The following TTC39C variants were observed in gnomAD, a reference collection of about 807,000 sequenced individuals.
TTC39C encodes the protein tetratricopeptide repeat protein 39C.
Under a neutral mutation model 76.3 loss-of-function variants are expected in TTC39C, and 33 were observed. That is an observed-to-expected ratio of 0.43 (90% CI 0.33 to 0.58). The LOEUF is 0.58. Among genes scored for constraint, TTC39C ranks in the 20% least tolerant of loss-of-function variants. TTC39C has a pLI of 0.04. For synonymous variants in TTC39C, 254 were observed against 260.6 expected, an observed-to-expected ratio of 0.97 and a Z score of 0.24; for missense variants, 595 against 701.4, an observed-to-expected ratio of 0.85 and a Z score of 1.71.
chr18:24,092,116 A>AT (rs2084528750), intron 6 of TTC39C, among the ~76,000 whole-genome samples: 3 of 138,370 alleles, frequency 2.2e-5, no homozygotes, highest in Non-Finnish European at 3.1e-5. Flanking sequence ...AAAAAAAAAA[A>AT]AAAAAAAAAT....
At chr18:24,128,153 A>G (rs1187025441) in intron 10 of TTC39C, among the ~76,000 whole-genome samples, 1 of 152,188 alleles carries the variant, frequency 6.6e-6, no homozygotes, top group African/African-American at 2.4e-5. Context: ...GGCAAATAGT[A>G]GGCTCTCAAT....
chr18:24,102,499 AAAAG>A (rs1425559480), intron 6 of TTC39C, among the ~76,000 whole-genome samples: 1 of 152,220 alleles, frequency 6.6e-6, no homozygotes, highest in East Asian at 1.9e-4. Context: ...AAAAGCAAGA[AAAAG>A]AAAGCGCCAA....
At chr18:24,109,960 G>A (rs922561250) in intron 6 of TTC39C, among the ~76,000 whole-genome samples, 5 of 152,020 alleles carry the variant, frequency 3.3e-5, no homozygotes, top group Non-Finnish European at 5.9e-5. Flanking sequence ...GAGCCGAGCC[G>A]AGATCACGCC....
intron 3 of TTC39C, among the ~76,000 whole-genome samples, chr18:24,067,253 C>T (rs1035420574): frequency 6.6e-6 from 1 of 152,174 alleles, no homozygotes. Context: ...TAATCAATGA[C>T]CAAGTGCTGT....
Position 24,125,410 on chromosome 18 carries a change from A to T in TTC39C, c.1297-17A>T. 6.2e-7 allele frequency: 1 copy of T among 1,614,020 alleles called. No individual in the cohort carries two copies. The highest frequency in any genetic ancestry group is 8.5e-7 in the Non-Finnish European group (1 of 1,179,984). On this transcript the variant is annotated splice_polypyrimidine_tract_variant and intron_variant, in intron 9 of 13. Transcript: ENST00000317571. ...TGTTTTTGAAAAATGTAGCCTGTTT[A>T]TTCTGACTCCTTGCAGGCAGAGCGA...
chr18:24,094,775 G>C (rs1053945284), intron 6 of TTC39C, among the ~76,000 whole-genome samples: 1 of 152,214 alleles, frequency 6.6e-6, no homozygotes, highest in East Asian at 1.9e-4. Context: ...CAGATGTGCT[G>C]TCATTCAGGC....
chr18:24,132,592 C>G lies in TTC39C; in HGVS notation c.*18C>G, dbSNP rs1323796358. On this transcript the variant is annotated 3_prime_UTR_variant, in exon 14 of 14. Transcript: ENST00000317571. Reference sequence around the variant, plus strand: ...CTCAGTGACAGACCCGGAACACCCGCTCCGTCCCTCCCCACCCAGGGTCCG... The same window carrying G: ...CTCAGTGACAGACCCGGAACACCCGGTCCGTCCCTCCCCACCCAGGGTCCG... 1 of 1,602,288 alleles carries G rather than the reference C, an allele frequency of 6.2e-7. No homozygotes were observed.
intron 6 of TTC39C, among the ~76,000 whole-genome samples, chr18:24,094,571 T>C (rs1032591061): frequency 7.9e-5 from 12 of 152,218 alleles, no homozygotes; most frequent in Admixed American, 5.9e-4. Flanking sequence ...TACTCCTTGT[T>C]CCATGAGCTG....
intron 6 of TTC39C, among the ~76,000 whole-genome samples, chr18:24,092,992 C>A (rs1019139926): frequency 2.6e-5 from 4 of 152,094 alleles, no homozygotes; most frequent in Admixed American, 1.3e-4. Context: ...CATCTGAGCC[C>A]AGGATGTTGA....
intron 1 of TTC39C, among the ~76,000 whole-genome samples, chr18:24,005,749 G>A (rs888551704): frequency 1.3e-5 from 2 of 151,412 alleles, no homozygotes; most frequent in African/African-American, 4.9e-5. Flanking sequence ...GGAGGCTAAG[G>A]TTGGAGGACG....
At chr18:24,051,247 T>C (rs1264945400) in intron 1 of TTC39C, among the ~76,000 whole-genome samples, 1 of 152,218 alleles carries the variant, frequency 6.6e-6, no homozygotes, top group Non-Finnish European at 1.5e-5. Flanking sequence ...GGCTAACAGC[T>C]TCACTGATCT....
At chr18:24,075,175 G>T (rs1172761514) in intron 4 of TTC39C, among the ~76,000 whole-genome samples, 1 of 152,008 alleles carries the variant, frequency 6.6e-6, no homozygotes, top group Non-Finnish European at 1.5e-5. Flanking sequence ...GGGGAGGGTT[G>T]GCATTAAGAG....
chr18:24,085,916 C>T (rs946033987), intron 6 of TTC39C, among the ~76,000 whole-genome samples: 7 of 152,168 alleles, frequency 4.6e-5, no homozygotes, highest in African/African-American at 1.7e-4. Flanking sequence ...CCAAGGTGCC[C>T]AGACAGCAGC....
intron 4 of TTC39C, among the ~76,000 whole-genome samples, chr18:24,076,587 A>T: frequency 6.6e-6 from 1 of 151,544 alleles, no homozygotes; most frequent in South Asian, 2.1e-4. Context: ...TGCTTTACAG[A>T]GTGTGGGATG....
chr18:24,087,850 A>T (rs919633846), intron 6 of TTC39C, among the ~76,000 whole-genome samples: 7 of 152,158 alleles, frequency 4.6e-5, no homozygotes, highest in African/African-American at 1.7e-4. Context: ...GCTTGAGCCC[A>T]TACGTTGTGA....
intron 1 of TTC39C, among the ~76,000 whole-genome samples, chr18:24,036,436 G>T (rs981375965): frequency 6.6e-6 from 1 of 151,966 alleles, no homozygotes; most frequent in African/African-American, 2.4e-5. Flanking sequence ...CTTTCACCTC[G>T]CTGGTTAAGT....
At chr18:24,021,982 G>A (rs182110105) in intron 1 of TTC39C, among the ~76,000 whole-genome samples, 1 of 152,300 alleles carries the variant, frequency 6.6e-6, no homozygotes, top group African/African-American at 2.4e-5. Flanking sequence ...ACCTCAAACA[G>A]AGTCACTTTA....
chr18:24,049,903 C>T (rs2083927450), intron 1 of TTC39C, among the ~76,000 whole-genome samples: 1 of 152,196 alleles, frequency 6.6e-6, no homozygotes, highest in Non-Finnish European at 1.5e-5. Context: ...TCTTAAATAT[C>T]CTCTTACTAA....
chr18:24,086,011 A>G (rs569690528), intron 6 of TTC39C, among the ~76,000 whole-genome samples: 3 of 152,356 alleles, frequency 2.0e-5, no homozygotes, highest in South Asian at 2.1e-4. Flanking sequence ...AACTCTGCCC[A>G]GGGAGGCTGT....
Sources: gnomAD v4.1 joint callset for allele counts (sites outside exome capture counted in the v4.1 genomes callset) on GRCh38, gnomAD v4.1.1 for gene constraint, MANE v1.5 for transcripts, NCBI Gene and HGNC (gene_info 2026-07-23, HGNC 2026-07-21) for gene names.